ACTR3C: variants seen among roughly 807,000 people sequenced by gnomAD.
The protein encoded by ACTR3C is actin-related protein 3C.
Under a neutral mutation model 26.3 loss-of-function variants are expected in ACTR3C, and 18 were observed. That is an observed-to-expected ratio of 0.68 (90% confidence interval 0.47 to 1.01). The LOEUF is 1.01. Among genes scored for constraint, ACTR3C ranks in the 50% least tolerant of loss-of-function variants. ACTR3C has a pLI of 0.00. For missense variants in ACTR3C, 184 were observed against 250.7 expected (o/e 0.73, Z 1.80); for synonymous variants, 55 against 94.5 (o/e 0.58, Z 2.42).
the ACTR3C span, among the ~76,000 whole-genome samples, chr7:150,150,395 A>G: frequency 2.4e-4 from 36 of 152,116 alleles, no homozygotes; most frequent in East Asian, 7.8e-4. Context: ...GATGGGAGAC[A>G]GGGAGAGAGG....
the ACTR3C span, among the ~76,000 whole-genome samples, chr7:149,884,727 G>T: frequency 5.7e-4 from 87 of 152,306 alleles, 1 homozygote; most frequent in East Asian, 0.015. Context: ...AGCTGCCTCT[G>T]CCCCAGGCAG....
At chr7:150,277,608 T>C (rs1434304499) in intron 6 of ACTR3C, among the ~76,000 whole-genome samples, 1 of 152,130 alleles carries the variant, frequency 6.6e-6, no homozygotes, top group Non-Finnish European at 1.5e-5. Flanking sequence ...AGTCTTCCGC[T>C]GCCTCAGAAG....
the ACTR3C span, among the ~76,000 whole-genome samples, chr7:150,195,503 T>A: frequency 6.6e-6 from 1 of 152,232 alleles, no homozygotes; most frequent in Non-Finnish European, 1.5e-5. Context: ...AAAGTCTTTA[T>A]TTCTCCTTCA....
chr7:150,079,776 G>T, the ACTR3C span, among the ~76,000 whole-genome samples: 2 of 152,164 alleles, frequency 1.3e-5, no homozygotes, highest in African/African-American at 4.8e-5. Flanking sequence ...CCTTTTCCCA[G>T]CTCTGCCTTC....
the ACTR3C span, among the ~76,000 whole-genome samples, chr7:150,041,645 C>A: frequency 2.0e-4 from 21 of 103,456 alleles, 3 homozygotes; most frequent in African/African-American, 5.6e-4. Context: ...CCTCCCCCCC[C>A]CTGCGATGAG....
At chr7:149,943,745 A>G in the ACTR3C span, among the ~76,000 whole-genome samples, 2 of 150,574 alleles carry the variant, frequency 1.3e-5, no homozygotes, top group East Asian at 1.9e-4. Context: ...CTCCTCTTGT[A>G]TAAGCGGCAG....
chr7:150,158,932 C>T, the ACTR3C span, among the ~76,000 whole-genome samples: 6 of 147,778 alleles, frequency 4.1e-5, no homozygotes, highest in African/African-American at 1.3e-4. Context: ...CACACATGTG[C>T]GCAGACACAC....
chr7:149,901,571 A>G, the ACTR3C span, among the ~76,000 whole-genome samples: 1 of 151,928 alleles, frequency 6.6e-6, no homozygotes, highest in Non-Finnish European at 1.5e-5. Flanking sequence ...AAACTAGAAA[A>G]TAAAACACTT....
chr7:150,267,066 T>TA (rs1196052256), intron 6 of ACTR3C, among the ~76,000 whole-genome samples: 1 of 152,214 alleles, frequency 6.6e-6, no homozygotes, highest in Non-Finnish European at 1.5e-5. Context: ...TTGTAATAGC[T>TA]AAGACTGGAA....
At chr7:150,176,253 T>C in the ACTR3C span, among the ~76,000 whole-genome samples, 60 of 151,012 alleles carry the variant, frequency 4.0e-4, 1 homozygote, top group Non-Finnish European at 7.4e-4. Flanking sequence ...ACATGATTTC[T>C]CTTTTTCAAT....
At chr7:150,042,576 C>CG in the ACTR3C span, among the ~76,000 whole-genome samples, 1 of 141,784 alleles carries the variant, frequency 7.1e-6, no homozygotes, top group African/African-American at 2.9e-5. Flanking sequence ...CCCCGCCTCG[C>CG]GGGGGGTGCC....
downstream of ACTR3C, chr7:150,244,592 A>G (rs1425871261): frequency 6.6e-6 from 1 of 152,128 alleles, no homozygotes; most frequent in African/African-American, 2.4e-5. Flanking sequence ...AAGGTGCATC[A>G]CTCTGGAGCT....
the ACTR3C span, among the ~76,000 whole-genome samples, chr7:150,048,355 C>T: frequency 6.6e-6 from 1 of 152,074 alleles, no homozygotes; most frequent in African/African-American, 2.4e-5. Context: ...CCGGCCTCCT[C>T]CCCGCGCCCG....
chr7:150,044,008 T>C, the ACTR3C span, among the ~76,000 whole-genome samples: 1 of 152,152 alleles, frequency 6.6e-6, no homozygotes, highest in Non-Finnish European at 1.5e-5. Flanking sequence ...TCATGGGTGG[T>C]GATTTGCTAA....
chr7:150,214,066 T>C, the ACTR3C span, among the ~76,000 whole-genome samples: 1 of 151,012 alleles, frequency 6.6e-6, no homozygotes, highest in Admixed American at 6.6e-5. Flanking sequence ...AACTTGTATT[T>C]GAGTTGCCAT....
At chr7:149,933,407 T>C in the ACTR3C span, among the ~76,000 whole-genome samples, 3 of 151,998 alleles carry the variant, frequency 2.0e-5, no homozygotes, top group African/African-American at 7.2e-5. Context: ...ATCTTGCAAA[T>C]TAGTTTTGAA....
At chr7:149,941,788 T>C in the ACTR3C span, among the ~76,000 whole-genome samples, 3 of 152,158 alleles carry the variant, frequency 2.0e-5, no homozygotes, top group Non-Finnish European at 4.4e-5. Context: ...CTCCATGGTG[T>C]CTCTCAAGAG....
chr7:150,034,971 C>G, the ACTR3C span, among the ~76,000 whole-genome samples: 257 of 138,118 alleles, frequency 1.9e-3, 10 homozygotes, highest in East Asian at 8.3e-3. Context: ...AGTCCCCACT[C>G]TCGTGGGGGG....
the ACTR3C span, among the ~76,000 whole-genome samples, chr7:150,215,709 C>T: frequency 1.3e-4 from 20 of 151,556 alleles, no homozygotes; most frequent in African/African-American, 4.1e-4. Context: ...TCAGACAAAA[C>T]GATTACTCTT....
Sources: gnomAD v4.1 joint callset for allele counts (sites outside exome capture counted in the v4.1 genomes callset) on GRCh38, gnomAD v4.1.1 for gene constraint, MANE v1.5 for transcripts, NCBI Gene and HGNC (gene_info 2026-07-23, HGNC 2026-07-21) for gene names.